BRWD3: variants seen among roughly 807,000 people sequenced by gnomAD.
The protein encoded by BRWD3 is bromodomain and WD repeat domain containing 3.
Under a neutral mutation model 149.7 loss-of-function variants are expected in BRWD3, and 10 were observed. The ratio of observed to expected loss-of-function variants is 0.07; its 90% CI spans 0.04 to 0.11. The LOEUF is 0.11. BRWD3 is among the 10% of genes least tolerant of loss of function. The pLI is 1.00. For missense variants in BRWD3, 940 were observed against 1,373.2 expected (o/e 0.68, Z 4.99); for synonymous variants, 504 against 456.7 (o/e 1.10, Z -1.32).
Position 80,670,610 on chromosome X carries a change from G to T in BRWD3, c.*5999C>A, listed in dbSNP as rs1258284622. Among the ~76,000 whole-genome samples, 2 of 110,016 alleles carry T rather than the reference G, an allele frequency of 1.8e-5. No homozygotes were observed. Among genetic ancestry groups the T allele is most frequent in the African/African-American group, 6.6e-5 (2 of 30,141 alleles). On this transcript the variant is annotated 3_prime_UTR_variant, in exon 41 of 41. Transcript: ENST00000373275. ...AAAAAAAAATTGTTTTGTAGATACG[G>T]TGTCTCACTATGCTGCCCAGGCTGG...
intron 4 of BRWD3, among the ~76,000 whole-genome samples, chrX:80,805,942 GA>G (rs1186955055): frequency 9.0e-6 from 1 of 111,065 alleles, no homozygotes; most frequent in African/African-American, 3.3e-5. Context: ...TCAAAAAAAA[GA>G]AAAAAACAAA....
intron 24 of BRWD3, among the ~76,000 whole-genome samples, chrX:80,701,571 A>T (rs2072789912): frequency 1.1e-5 from 1 of 94,053 alleles, no homozygotes; most frequent in Admixed American, 1.2e-4. Context: ...AAAAAAAAAA[A>T]AGTAGTGATA....
intron 30 of BRWD3, 51 bp from the exon 31 acceptor site, chrX:80,691,224 T>C: frequency 2.6e-6 from 3 of 1,147,360 alleles, no homozygotes; most frequent in Non-Finnish European, 3.6e-6. Context: ...CATTAACATC[T>C]CATGGTAACA....
chrX:80,729,848 T>A (rs988288087), intron 13 of BRWD3, 68 bp downstream of exon 13: 4 of 720,579 alleles, frequency 5.6e-6, no homozygotes, highest in Non-Finnish European at 8.7e-6. Flanking sequence ...AGATATTTTA[T>A]ATTCACTATT....
chrX:80,724,815 C>G (rs1437713779), intron 15 of BRWD3, 118 bp downstream of exon 15: 1 of 820,911 alleles, frequency 1.2e-6, no homozygotes, highest in Non-Finnish European at 1.8e-6. Context: ...AAATATTTAA[C>G]CAATTTAAAC....
chrX:80,737,589 C>T (rs2073421940), intron 8 of BRWD3, among the ~76,000 whole-genome samples: 1 of 111,980 alleles, frequency 8.9e-6, no homozygotes. Flanking sequence ...AATCTCAGCA[C>T]TTTGGGAGGC....
intron 6 of BRWD3, among the ~76,000 whole-genome samples, chrX:80,750,212 A>G (rs1434018578): frequency 9.0e-6 from 1 of 111,517 alleles, no homozygotes; most frequent in East Asian, 2.8e-4. Flanking sequence ...CTCCAAACAC[A>G]GGCAACAAAA....
At chrX:80,714,820 G>A (rs189687387) in intron 20 of BRWD3, among the ~76,000 whole-genome samples, 42 of 111,813 alleles carry the variant, frequency 3.8e-4, no homozygotes, top group African/African-American at 3.2e-4. Flanking sequence ...TACTATTTGC[G>A]GACAATATAG....
At chrX:80,742,412 A>ATGAACTTTAAAGTG (rs2073527005) in intron 8 of BRWD3, among the ~76,000 whole-genome samples, 1 of 95,909 alleles carries the variant, frequency 1.0e-5, no homozygotes, top group Non-Finnish European at 2.0e-5. Flanking sequence ...TTGGTTCTGT[A>ATGAACTTTAAAGTG]GTTTTTTCCA....
chrX:80,725,919 A>C lies in BRWD3; in HGVS notation c.1387-852T>G. On this transcript the variant is annotated intron_variant, in intron 14 of 40. Coordinates refer to ENST00000373275, the MANE Select transcript of BRWD3 (RefSeq NM_153252.5). ...ACATGTTTACATATGTTACATGCCTATATGACATAACTTGTTTACATGTTA... is the reference window on the plus strand; with the variant it reads ...ACATGTTTACATATGTTACATGCCTCTATGACATAACTTGTTTACATGTTA... Among the ~76,000 whole-genome samples, 3 of 111,355 alleles carry C rather than the reference A, an allele frequency of 2.7e-5. 1 individual carries two copies. The highest frequency in any genetic ancestry group is 5.7e-5 in the Non-Finnish European group (3 of 52,518).
chrX:80,736,104 ATCTGATTC>A lies in BRWD3; in HGVS notation c.814-24_814-17del. On this transcript the variant is annotated splice_polypyrimidine_tract_variant and intron_variant, in intron 8 of 40. Coordinates refer to ENST00000373275, the MANE Select transcript of BRWD3 (RefSeq NM_153252.5). ...ATGGACAAAACTTAAAAAAAAAAAA[ATCTGATTC>A]AAATAAAAAGTTTTCATGTTCAGCC... 4.9e-6 allele frequency: 5 copies of A among 1,028,497 alleles called. No homozygotes were observed. The highest frequency in any genetic ancestry group is 6.7e-6 in the Non-Finnish European group (5 of 741,153). The allele number at this position is 1,028,497 out of a possible 1,213,427, so 84.8% of individuals were successfully genotyped here.
chrX:80,712,322 T>C (rs1328077600), intron 20 of BRWD3, among the ~76,000 whole-genome samples: 2 of 110,553 alleles, frequency 1.8e-5, no homozygotes, highest in African/African-American at 3.3e-5. Flanking sequence ...CTGGTTTTCG[T>C]ATTTTTTTGG....
intron 9 of BRWD3, among the ~76,000 whole-genome samples, 175 bp downstream of exon 9, chrX:80,735,813 A>G (rs1212973303): frequency 9.4e-6 from 1 of 106,746 alleles, no homozygotes. Flanking sequence ...CAAAAAAAAA[A>G]AAAAAAAATT....
intron 6 of BRWD3, among the ~76,000 whole-genome samples, chrX:80,747,398 C>T (rs763945697): frequency 1.6e-4 from 18 of 109,193 alleles, no homozygotes; most frequent in East Asian, 8.7e-4. Context: ...CACACTAAGT[C>T]GTGACAAACA....
chrX:80,772,948 G>A (rs957082853), intron 6 of BRWD3, among the ~76,000 whole-genome samples: 9 of 111,949 alleles, frequency 8.0e-5, no homozygotes, highest in African/African-American at 2.9e-4. Flanking sequence ...CAAATAAGAT[G>A]AATGATCAGG....
intron 14 of BRWD3, 101 bp downstream of exon 14, chrX:80,728,651 G>A: frequency 2.8e-6 from 2 of 720,734 alleles, no homozygotes; most frequent in Non-Finnish European, 4.1e-6. Context: ...CCAAGGACTA[G>A]TATAGTATAT....
intron 11 of BRWD3, among the ~76,000 whole-genome samples, chrX:80,733,795 AAT>A (rs1262150695): frequency 9.0e-6 from 1 of 111,432 alleles, no homozygotes; most frequent in African/African-American, 3.3e-5. Flanking sequence ...AATACCTTAA[AAT>A]AGTTAATTTA....
At chrX:80,710,048 G>A (rs1288447468) in intron 20 of BRWD3, 11 of 1,090,346 alleles carry the variant, frequency 1.0e-5, no homozygotes, top group East Asian at 3.0e-5. Context: ...AACCCATGCA[G>A]TATTGGTTGC....
intron 27 of BRWD3, among the ~76,000 whole-genome samples, chrX:80,695,252 A>G: frequency 8.9e-6 from 1 of 111,868 alleles, no homozygotes; most frequent in Non-Finnish European, 1.9e-5. Flanking sequence ...AATCAATTAA[A>G]TGATTTTTTC....
Sources: gnomAD v4.1 joint callset for allele counts (sites outside exome capture counted in the v4.1 genomes callset) on GRCh38, gnomAD v4.1.1 for gene constraint, MANE v1.5 for transcripts, NCBI Gene and HGNC (gene_info 2026-07-23, HGNC 2026-07-21) for gene names.